Variants in NAA50 observed in about 807,000 individuals in gnomAD.
The protein encoded by NAA50 is N-alpha-acetyltransferase 50, NatE catalytic subunit, also known as N-alpha-acetyltransferase 50.
NAA50 carries 7 observed loss-of-function variants against 20.7 expected under a neutral mutation model. The observed-to-expected ratio is 0.34, with a 90% confidence interval of 0.19 to 0.63. The LOEUF is 0.63. Ranked by LOEUF, NAA50 falls within the 30% of genes least tolerant of loss-of-function variation. NAA50 has a pLI of 0.75. For synonymous variants in NAA50, 54 were observed against 70.6 expected (o/e 0.77, Z 1.18); for missense variants, 111 against 199.1 (o/e 0.56, Z 2.66).
chr3:113,722,619 T>C (rs139279787), intron 4 of NAA50, among the ~76,000 whole-genome samples: 2,322 of 152,274 alleles, frequency 0.015, 28 homozygotes, highest in Non-Finnish European at 0.025. Context: ...GTAGTATTAA[T>C]AGTCTTGAAT....
intron 1 of NAA50, among the ~76,000 whole-genome samples, chr3:113,734,179 A>C (rs1473922108): frequency 6.6e-6 from 1 of 152,188 alleles, no homozygotes; most frequent in Non-Finnish European, 1.5e-5. Context: ...GGAGGCCATT[A>C]TCCTAAGTAA....
chr3:113,726,897 T>C (rs547516266), intron 1 of NAA50, among the ~76,000 whole-genome samples: 1 of 152,354 alleles, frequency 6.6e-6, no homozygotes, highest in East Asian at 1.9e-4. Context: ...CAGGCTCAAG[T>C]GATCTTCCCA....
chr3:113,720,578 A>G lies in NAA50; in HGVS notation c.*1182T>C, dbSNP rs1320518170. 5.2e-5 allele frequency: 8 copies of G among 152,648 alleles called. No individual in the cohort carries two copies. Among genetic ancestry groups the G allele is most frequent in the African/African-American group, 1.4e-4 (6 of 41,468 alleles). 9.5% of individuals were successfully genotyped at this position (152,648 alleles called of 1,614,324 possible). ...TTCTATTTTTCCAAGAATAGAAGCA[A>G]TATGTTTAATAATTACCCCTGCCTC... On this transcript the variant is annotated 3_prime_UTR_variant, in exon 5 of 5. Transcript: ENST00000240922.
chr3:113,732,695 A>G (rs1318519889), intron 1 of NAA50, among the ~76,000 whole-genome samples: 1 of 152,178 alleles, frequency 6.6e-6, no homozygotes, highest in African/African-American at 2.4e-5. Flanking sequence ...GAACTCAATT[A>G]TATCTGCAAA....
intron 1 of NAA50, 89 bp downstream of exon 1, chr3:113,745,853 C>G: frequency 6.9e-7 from 1 of 1,440,012 alleles, no homozygotes; most frequent in African/African-American, 1.5e-5. Context: ...CGCCCTGAAT[C>G]TCTCCTCGCC....
chr3:113,735,266 C>T (rs1708324297), intron 1 of NAA50, among the ~76,000 whole-genome samples: 2 of 152,116 alleles, frequency 1.3e-5, no homozygotes. Flanking sequence ...AAGAATGGAT[C>T]CCAAACCTGG....
At chr3:113,723,030 A>G (rs765796867) in intron 3 of NAA50, 58 bp from the exon 4 acceptor site, 316 of 1,462,760 alleles carry the variant, frequency 2.2e-4, no homozygotes, top group Middle Eastern at 1.2e-3. Flanking sequence ...TAAATTATGT[A>G]TCTATCCACT....
chr3:113,745,379 C>G (rs773911315), intron 1 of NAA50, among the ~76,000 whole-genome samples: 3 of 152,180 alleles, frequency 2.0e-5, no homozygotes, highest in Non-Finnish European at 2.9e-5. Flanking sequence ...ATCGCGCTCT[C>G]TCCCCCTCCT....
chr3:113,728,065 A>T (rs1184016311), intron 1 of NAA50, among the ~76,000 whole-genome samples: 1 of 146,264 alleles, frequency 6.8e-6, no homozygotes, highest in Non-Finnish European at 1.5e-5. Flanking sequence ...ATAAGTTAGC[A>T]AGGAACACGG....
rs570263988 is a variant in NAA50, at chr3:113,718,962, A to G, written c.*2798T>C. The G allele has an allele frequency of 6.5e-6, 1 of 152,682 alleles. No homozygotes were observed. Among genetic ancestry groups the G allele is most frequent in the Non-Finnish European group, 1.5e-5 (1 of 68,046 alleles). The allele number at this position is 152,682 out of a possible 1,614,324, so 9.5% of individuals were successfully genotyped here. ...TGCTGGCTGCAGAATTCAACAATACAGTTTTGACATTTACAGATATCACAG... is the reference window on the plus strand; with the variant it reads ...TGCTGGCTGCAGAATTCAACAATACGGTTTTGACATTTACAGATATCACAG... On this transcript the variant is annotated 3_prime_UTR_variant, in exon 5 of 5. Coordinates refer to ENST00000240922, the MANE Select transcript of NAA50 (RefSeq NM_025146.4).
intron 1 of NAA50, among the ~76,000 whole-genome samples, chr3:113,735,429 T>C (rs1434417410): frequency 2.0e-5 from 3 of 152,202 alleles, no homozygotes; most frequent in African/African-American, 7.2e-5. Context: ...CGTAAATTCC[T>C]AAATCTGAGA....
intron 1 of NAA50, among the ~76,000 whole-genome samples, chr3:113,740,561 T>C (rs1708400627): frequency 6.6e-6 from 1 of 152,188 alleles, no homozygotes; most frequent in African/African-American, 2.4e-5. Flanking sequence ...TTTGTAGAGA[T>C]GAGGTCTCAC....
chr3:113,731,518 A>G (rs1708272841), intron 1 of NAA50, among the ~76,000 whole-genome samples: 5 of 151,924 alleles, frequency 3.3e-5, no homozygotes, highest in Admixed American at 3.3e-4. Flanking sequence ...TTTTAAGTGC[A>G]CACTTCAGTG....
intron 1 of NAA50, among the ~76,000 whole-genome samples, chr3:113,728,458 A>G (rs1708228740): frequency 1.3e-5 from 2 of 152,250 alleles, no homozygotes; most frequent in South Asian, 4.1e-4. Context: ...AATGAAGGTG[A>G]CAATGGGAAA....
rs1042165401 is a variant in NAA50 at position 113,719,653 on chromosome 3, T to C, written c.*2107A>G. ...GACTACCGTGGAAAAAGAAACTCTA[T>C]ATATAATGATAGGGAGCCTACACAC... On this transcript the variant is annotated 3_prime_UTR_variant, in exon 5 of 5. Coordinates refer to ENST00000240922, the MANE Select transcript of NAA50 (RefSeq NM_025146.4). 10 of 152,512 alleles carry C rather than the reference T, an allele frequency of 6.6e-5. No homozygotes were observed. The highest frequency in any genetic ancestry group is 1.5e-4 in the Non-Finnish European group (10 of 68,008). 9.4% of individuals were successfully genotyped at this position (152,512 alleles called of 1,614,324 possible). A position where few individuals can be genotyped will look rare whatever the true frequency, so the allele number is the denominator to read the frequency against.
At chr3:113,743,931 T>C (rs572936026) in intron 1 of NAA50, among the ~76,000 whole-genome samples, 1 of 152,364 alleles carries the variant, frequency 6.6e-6, no homozygotes, top group East Asian at 1.9e-4. Flanking sequence ...GCTTCATTTC[T>C]ATCGCCAAGT....
At position 113,718,120 on chromosome 3, in the gene NAA50, G is replaced by A. The variant is rs1298757542; in HGVS notation, c.*3640C>T. On this transcript the variant is annotated 3_prime_UTR_variant, in exon 5 of 5. Coordinates refer to ENST00000240922, the MANE Select transcript of NAA50 (RefSeq NM_025146.4). ...CACTTTCTTATATCACCTGCTCTAG[G>A]GGAAGCCACATACCAGTTGTCCACC... The A allele has an allele frequency of 6.6e-6, 1 of 152,150 alleles. No homozygotes were observed. Among genetic ancestry groups the A allele is most frequent in the Non-Finnish European group, 1.5e-5 (1 of 68,050 alleles). 9.4% of individuals were successfully genotyped at this position (152,150 alleles called of 1,614,324 possible).
At position 113,721,504 on chromosome 3, in the gene NAA50, T is replaced by G; in HGVS notation, c.*256A>C. On this transcript the variant is annotated 3_prime_UTR_variant, in exon 5 of 5. Transcript: ENST00000240922. Reference sequence around the variant, plus strand: ...ATGTTTAGGACCATCTAACTTCAACTGCAAAACTAAACAGATCTACCTTGT... The same window carrying G: ...ATGTTTAGGACCATCTAACTTCAACGGCAAAACTAAACAGATCTACCTTGT... 2.0e-6 allele frequency: 1 copy of G among 497,782 alleles called. No individual in the cohort carries two copies. The highest frequency in any genetic ancestry group is 2.6e-5 in the South Asian group (1 of 38,994). The allele number at this position is 497,782 out of a possible 1,614,324, so 30.8% of individuals were successfully genotyped here. A position where few individuals can be genotyped will look rare whatever the true frequency, so the allele number is the denominator to read the frequency against.
In NAA50 at chr3:113,724,031, C is replaced by T. The variant is rs1320884503; in HGVS notation, c.73G>A (p.Val25Ile). The change falls in exon 2 of 5, where the codon GTC becomes ATC. Residue 25 changes from valine (V) to isoleucine (I), a missense_variant. Val to Ile is a conservative substitution (Grantham distance 29). Transcript: ENST00000240922. Reference protein sequence around the residue: ...NIKQLKRLNQVIFPVSYNDKF... With the variant: ...NIKQLKRLNQIIFPVSYNDKF... ...TCATTGTAGCTGACTGGAAAGATGACCTGATTCAATCTTTTCAACTGTTTA... is the reference window on the plus strand; with the variant it reads ...TCATTGTAGCTGACTGGAAAGATGATCTGATTCAATCTTTTCAACTGTTTA... The T allele has an allele frequency of 6.2e-7, 1 of 1,611,286 alleles. No homozygotes were observed. The highest frequency in any genetic ancestry group is 8.5e-7 in the Non-Finnish European group (1 of 1,178,824).
Sources: allele counts gnomAD v4.1 joint callset (sites outside exome capture counted in the v4.1 genomes callset), GRCh38; gene constraint gnomAD v4.1.1; transcripts MANE v1.5; gene names NCBI Gene and HGNC (gene_info 2026-07-23, HGNC 2026-07-21).